Variants in CDYL2 observed in about 807,000 individuals in gnomAD.
The protein encoded by CDYL2 is chromodomain Y-like protein 2.
A neutral mutation model predicts 49.4 loss-of-function variants in CDYL2; 23 were observed. That is an observed-to-expected ratio of 0.47 (90% CI 0.34 to 0.66). CDYL2 has a LOEUF of 0.66. Among genes scored for constraint, CDYL2 ranks in the 30% least tolerant of loss-of-function variants. The pLI, the probability that CDYL2 is intolerant of heterozygous loss-of-function variation, is 0.01. For synonymous variants in CDYL2, 360 were observed against 268.8 expected, an observed-to-expected ratio of 1.34 and a Z score of -3.32; for missense variants, 678 against 656.4, an observed-to-expected ratio of 1.03 and a Z score of -0.36.
intron 2 of CDYL2, among the ~76,000 whole-genome samples, chr16:80,672,001 G>C (rs1909530475): frequency 6.6e-6 from 1 of 152,156 alleles, no homozygotes; most frequent in South Asian, 2.1e-4. Context: ...GGGATCACAA[G>C]TGTTTTGGAT....
chr16:80,788,695 G>A (rs910193809), intron 1 of CDYL2, among the ~76,000 whole-genome samples: 8 of 152,182 alleles, frequency 5.3e-5, no homozygotes, highest in South Asian at 2.1e-4. Context: ...TGGTTCAACC[G>A]TCTGGTGTCT....
rs78704531 is a variant in CDYL2, at chr16:80,622,787, C to G, written c.835-1852G>C. Among the ~76,000 whole-genome samples the G allele has an allele frequency of 8.6e-3, 1,305 of 152,266 alleles. 31 individuals carry two copies. The highest frequency in any genetic ancestry group is 0.029 in the African/African-American group (1,215 of 41,552). ...AAAGAGTTTGCCACCAAAAAGTTTGCACCCCATGAAAGCTAACTGTGTTTG... is the reference window on the plus strand; with the variant it reads ...AAAGAGTTTGCCACCAAAAAGTTTGGACCCCATGAAAGCTAACTGTGTTTG... On this transcript the variant is annotated intron_variant, in intron 3 of 6. Transcript: ENST00000570137.
chr16:80,612,738 T>C lies in CDYL2; in HGVS notation c.1106A>G (p.Asp369Gly). 6.2e-7 allele frequency: 1 copy of C among 1,613,608 alleles called. No individual in the cohort carries two copies. Among genetic ancestry groups the C allele is most frequent in the Non-Finnish European group, 8.5e-7 (1 of 1,179,956 alleles). ...GLGASILPLC[D>G]IVWASEKAWF... ...GGCCTTCTCACTGGCCCACACGATG[T>C]CACAGAGGGGCAGGATGGAGGCACC... is the stretch of plus-strand genomic sequence containing the variant. The change falls in exon 5 of 7, where the codon GAC (aspartate) becomes GGC (glycine). Residue 369 changes from aspartate to glycine, a missense_variant. By Grantham distance (94) the Asp-to-Gly change is moderately conservative. Around this residue, in one of 3 missense-constraint regions of CDYL2, gnomAD observed 47 missense variants for 78.8 expected, o/e 0.60. Coordinates refer to ENST00000570137, the MANE Select transcript of CDYL2 (RefSeq NM_152342.4). This position sits in a 1 kb window ranked among gnomAD's most constrained non-coding sequence, Gnocchi z 5.0.
intron 1 of CDYL2, among the ~76,000 whole-genome samples, chr16:80,797,119 T>C (rs895064989): frequency 2.0e-5 from 3 of 152,234 alleles, no homozygotes; most frequent in Admixed American, 1.3e-4. Context: ...ACACTGTTTT[T>C]TGGCTTTAAT....
chr16:80,606,579 T>G (rs1020687948), intron 6 of CDYL2, among the ~76,000 whole-genome samples: 1 of 152,126 alleles, frequency 6.6e-6, no homozygotes, highest in African/African-American at 2.4e-5. Flanking sequence ...TTCCTCTGCT[T>G]AGAATTTCTA....
chr16:80,639,614 G>T, intron 2 of CDYL2: 1 of 450,070 alleles, frequency 2.2e-6, no homozygotes, highest in African/African-American at 2.0e-5. Context: ...ATTAACAACT[G>T]TCTACACACA....
chr16:80,653,686 T>G (rs1185888400), intron 2 of CDYL2, among the ~76,000 whole-genome samples: 1 of 152,198 alleles, frequency 6.6e-6, no homozygotes, highest in African/African-American at 2.4e-5. Flanking sequence ...ATGTATTCTT[T>G]GAGTTACAAA....
At chr16:80,624,880 G>A (rs1183623323) in intron 3 of CDYL2, among the ~76,000 whole-genome samples, 1 of 152,144 alleles carries the variant, frequency 6.6e-6, no homozygotes, top group Non-Finnish European at 1.5e-5. Context: ...AAGACCTGAA[G>A]TAATTGACCA....
intron 4 of CDYL2, among the ~76,000 whole-genome samples, chr16:80,615,526 T>TCC (rs1224890011): frequency 3.3e-5 from 5 of 151,980 alleles, no homozygotes; most frequent in African/African-American, 9.7e-5. Context: ...TAAAAGAGGG[T>TCC]CCGTGCCTGT....
At chr16:80,692,215 T>C (rs1597177990) in intron 1 of CDYL2, among the ~76,000 whole-genome samples, 2 of 152,208 alleles carry the variant, frequency 1.3e-5, no homozygotes, top group African/African-American at 4.8e-5. Flanking sequence ...AGTTTGAGAA[T>C]AGATCAACTT....
intron 1 of CDYL2, among the ~76,000 whole-genome samples, chr16:80,774,117 G>C (rs1166013065): frequency 6.6e-6 from 1 of 151,944 alleles, no homozygotes; most frequent in Non-Finnish European, 1.5e-5. Context: ...ATGCATAAAA[G>C]TAAAGGAAGA....
intron 1 of CDYL2, among the ~76,000 whole-genome samples, chr16:80,711,459 T>C (rs1486084758): frequency 6.6e-6 from 1 of 152,202 alleles, no homozygotes; most frequent in Non-Finnish European, 1.5e-5. Context: ...GTCCTGTTTT[T>C]ATTAACACTT....
intron 1 of CDYL2, among the ~76,000 whole-genome samples, chr16:80,706,536 A>G (rs545994044): frequency 2.2e-4 from 34 of 152,334 alleles, no homozygotes; most frequent in African/African-American, 7.9e-4. Flanking sequence ...TAATGTTTGG[A>G]AGGAATTCAT....
chr16:80,712,747 C>T (rs1034065555), intron 1 of CDYL2, among the ~76,000 whole-genome samples: 2 of 152,120 alleles, frequency 1.3e-5, no homozygotes, highest in African/African-American at 4.8e-5. Context: ...GGCTTAAAGA[C>T]AATGCAGTCA....
intron 1 of CDYL2, among the ~76,000 whole-genome samples, chr16:80,800,048 C>G (rs1399759147): frequency 6.6e-6 from 1 of 152,182 alleles, no homozygotes; most frequent in African/African-American, 2.4e-5. Flanking sequence ...CTTGTTTATA[C>G]TTTGCAGCAA....
At chr16:80,619,573 T>A (rs772313195) in intron 4 of CDYL2, among the ~76,000 whole-genome samples, 8 of 152,114 alleles carry the variant, frequency 5.3e-5, no homozygotes, top group Non-Finnish European at 1.2e-4. Context: ...ACGCTGGAAA[T>A]CCTGTGGTCC....
intron 2 of CDYL2, among the ~76,000 whole-genome samples, chr16:80,675,205 T>A (rs1282999703): frequency 6.6e-6 from 1 of 152,204 alleles, no homozygotes; most frequent in Non-Finnish European, 1.5e-5. Flanking sequence ...AGTACCTTTC[T>A]TCATTTACAA....
At chr16:80,623,719 A>G (rs890566253) in intron 3 of CDYL2, among the ~76,000 whole-genome samples, 2 of 152,196 alleles carry the variant, frequency 1.3e-5, no homozygotes, top group African/African-American at 4.8e-5. Flanking sequence ...AAATCAAAGT[A>G]CAGTCACTGT....
At chr16:80,674,099 G>A (rs905647519) in intron 2 of CDYL2, among the ~76,000 whole-genome samples, 5 of 152,272 alleles carry the variant, frequency 3.3e-5, no homozygotes, top group Admixed American at 2.6e-4. Flanking sequence ...CCACCAAGTT[G>A]GGAGGAATTT....
Sources: gnomAD v4.1 joint callset for allele counts (sites outside exome capture counted in the v4.1 genomes callset) on GRCh38, gnomAD v4.1.1 for gene constraint, gnomAD v4.1.1 regional missense constraint, Gnocchi (gnomAD v3.1) non-coding constraint, MANE v1.5 for transcripts, NCBI Gene and HGNC (gene_info 2026-07-23, HGNC 2026-07-21) for gene names.